SLC71A2: variants seen among roughly 807,000 people sequenced by gnomAD.
SLC71A2 encodes the protein solute carrier family 71 member 2.
chr9:94,388,807 T>C, the SLC71A2 span, among the ~76,000 whole-genome samples: 2 of 152,312 alleles, frequency 1.3e-5, no homozygotes, highest in African/African-American at 4.8e-5. Flanking sequence ...CTACTAAACA[T>C]GTATAAGTTA....
the SLC71A2 span, among the ~76,000 whole-genome samples, chr9:94,395,654 G>A: frequency 9.9e-5 from 15 of 152,106 alleles, no homozygotes; most frequent in Non-Finnish European, 1.6e-4. Context: ...TTTGTTATGC[G>A]TCCCTTAGAG....
At chr9:94,404,590 G>A in the SLC71A2 span, among the ~76,000 whole-genome samples, 12 of 152,258 alleles carry the variant, frequency 7.9e-5, no homozygotes, top group African/African-American at 1.7e-4. Flanking sequence ...ATGAGCCACC[G>A]CGCCCGGCCT....
the SLC71A2 span, among the ~76,000 whole-genome samples, chr9:94,394,448 G>T: frequency 9.9e-6 from 1 of 100,890 alleles, no homozygotes; most frequent in African/African-American, 2.7e-5. Context: ...TTCAGATAAA[G>T]AATTTTTTTT....
chr9:94,395,957 A>G, the SLC71A2 span, among the ~76,000 whole-genome samples: 4 of 151,646 alleles, frequency 2.6e-5, no homozygotes, highest in African/African-American at 7.3e-5. Flanking sequence ...CTTTTCTGCC[A>G]CAACAAATGT....
the SLC71A2 span, among the ~76,000 whole-genome samples, chr9:94,389,277 T>TG: frequency 6.6e-6 from 1 of 151,646 alleles, no homozygotes; most frequent in Non-Finnish European, 1.5e-5. Context: ...TCTGGTTTTT[T>TG]TTTTTTGAGA....
chr9:94,440,236 C>G, the SLC71A2 span, among the ~76,000 whole-genome samples: 1 of 151,932 alleles, frequency 6.6e-6, no homozygotes, highest in African/African-American at 2.4e-5. Context: ...TCACTGCAAG[C>G]TCCGCCTCCC....
chr9:94,375,051 G>C, the SLC71A2 span: 55 of 577,626 alleles, frequency 9.5e-5, no homozygotes, highest in East Asian at 4.3e-4. Flanking sequence ...GTCCTTTTCT[G>C]GGGGGGGAGG....
the SLC71A2 span, among the ~76,000 whole-genome samples, chr9:94,408,847 G>A: frequency 1.4e-5 from 2 of 138,866 alleles, no homozygotes; most frequent in South Asian, 2.2e-4. Context: ...TTTTTGAGAC[G>A]GAGTCTCGCT....
At chr9:94,434,560 C>T in the SLC71A2 span, among the ~76,000 whole-genome samples, 1 of 152,292 alleles carries the variant, frequency 6.6e-6, no homozygotes, top group Admixed American at 6.5e-5. Flanking sequence ...CGTGATCCTC[C>T]CGCCTCAGCC....
At chr9:94,385,817 CT>C in the SLC71A2 span, among the ~76,000 whole-genome samples, 11 of 151,924 alleles carry the variant, frequency 7.2e-5, no homozygotes, top group African/African-American at 9.7e-5. Flanking sequence ...ACTGTTTTGG[CT>C]GTTTGGTGTT....
At chr9:94,445,066 G>A in the SLC71A2 span, 1 of 1,614,224 alleles carries the variant, frequency 6.2e-7, no homozygotes, top group East Asian at 2.2e-5. Flanking sequence ...GGCCACAGTG[G>A]TGGCTCTTCT....
the SLC71A2 span, among the ~76,000 whole-genome samples, chr9:94,408,067 A>G: frequency 1.3e-5 from 2 of 152,206 alleles, no homozygotes; most frequent in African/African-American, 4.8e-5. Context: ...CTAATTAGAA[A>G]TTAAACTCAA....
the SLC71A2 span, among the ~76,000 whole-genome samples, chr9:94,404,701 G>A: frequency 1.3e-5 from 2 of 152,136 alleles, no homozygotes; most frequent in Non-Finnish European, 2.9e-5. Context: ...TATTTTGTCT[G>A]TGAGTTGAAA....
chr9:94,425,770 T>G, the SLC71A2 span, among the ~76,000 whole-genome samples: 1 of 152,014 alleles, frequency 6.6e-6, no homozygotes, highest in African/African-American at 2.4e-5. Context: ...AAGAAGGAGG[T>G]CTGCTTTGGG....
chr9:94,412,111 C>T, the SLC71A2 span, among the ~76,000 whole-genome samples: 1 of 152,126 alleles, frequency 6.6e-6, no homozygotes, highest in Non-Finnish European at 1.5e-5. Flanking sequence ...AATTTTTGAA[C>T]TTTTAATGTC....
chr9:94,427,386 A>G, the SLC71A2 span, among the ~76,000 whole-genome samples: 2 of 152,116 alleles, frequency 1.3e-5, no homozygotes, highest in African/African-American at 4.8e-5. Flanking sequence ...TTGCTCAGAA[A>G]TGGGCCCATA....
At chr9:94,377,707 CAA>C in the SLC71A2 span, among the ~76,000 whole-genome samples, 1 of 151,532 alleles carries the variant, frequency 6.6e-6, no homozygotes, top group African/African-American at 2.4e-5. Flanking sequence ...CCTTATTTGG[CAA>C]AGAGATATAT....
At chr9:94,398,472 T>G in the SLC71A2 span, among the ~76,000 whole-genome samples, 1 of 152,216 alleles carries the variant, frequency 6.6e-6, no homozygotes. Flanking sequence ...TAACAACTTT[T>G]GGTCCATAAC....
chr9:94,426,815 T>C, the SLC71A2 span, among the ~76,000 whole-genome samples: 3 of 152,218 alleles, frequency 2.0e-5, no homozygotes, highest in African/African-American at 7.2e-5. Flanking sequence ...GATATTTTCC[T>C]TGAGTTATTT....
Sources: gnomAD v4.1 joint callset for allele counts (sites outside exome capture counted in the v4.1 genomes callset) on GRCh38, gnomAD v4.1.1 for gene constraint, MANE v1.5 for transcripts, NCBI Gene and HGNC (gene_info 2026-07-23, HGNC 2026-07-21) for gene names.